MIA2: variants seen among roughly 807,000 people sequenced by gnomAD.
MIA2 encodes the protein melanoma inhibitory activity protein 2.
MIA2 carries 127 observed loss-of-function variants against 167.8 expected under a neutral mutation model. The observed-to-expected ratio is 0.76, with a 90% CI of 0.66 to 0.88. MIA2 has a LOEUF of 0.88. Ranked by LOEUF, MIA2 falls within the 40% of genes least tolerant of loss-of-function variation. The pLI, the probability that MIA2 is intolerant of heterozygous loss-of-function variation, is 0.00. For missense variants in MIA2, 1,690 were observed against 1,624.7 expected, an observed-to-expected ratio of 1.04 and a Z score of -0.69; for synonymous variants, 552 against 541.9, an observed-to-expected ratio of 1.02 and a Z score of -0.26.
At chr14:39,336,344 A>G (rs1023181404) in intron 25 of MIA2, among the ~76,000 whole-genome samples, 1 of 152,168 alleles carries the variant, frequency 6.6e-6, no homozygotes, top group Non-Finnish European at 1.5e-5. Flanking sequence ...AAACATTCTT[A>G]TTACTTAAAG....
chr14:39,361,085 A>T (rs1171247302), intron 23 of MIA2, among the ~76,000 whole-genome samples: 2 of 152,170 alleles, frequency 1.3e-5, no homozygotes, highest in East Asian at 1.9e-4. Flanking sequence ...AGATAATGTG[A>T]TGCCCCCACC....
intron 23 of MIA2, among the ~76,000 whole-genome samples, chr14:39,364,714 G>GTT (rs71435652): frequency 5.1e-4 from 76 of 150,342 alleles, no homozygotes; most frequent in Non-Finnish European, 9.5e-4. Flanking sequence ...CTGATAGTTT[G>GTT]TTTTTTTTGT....
At chr14:39,350,049 T>A in intron 28 of MIA2, 49 bp from the exon 29 acceptor site, 1 of 720,012 alleles carries the variant, frequency 1.4e-6, no homozygotes. Flanking sequence ...TAGGGCACAG[T>A]ACAGGTTCTT....
chr14:39,325,317 C>T (rs2067268115), intron 24 of MIA2, among the ~76,000 whole-genome samples: 1 of 151,824 alleles, frequency 6.6e-6, no homozygotes, highest in African/African-American at 2.4e-5. Flanking sequence ...CCCCTTTTCC[C>T]TCTCAATGAC....
downstream of MIA2, among the ~76,000 whole-genome samples, chr14:39,353,795 A>G (rs1595929787): frequency 6.6e-6 from 1 of 152,030 alleles, no homozygotes; most frequent in Admixed American, 6.6e-5. Flanking sequence ...ATTCCCACCT[A>G]TGAGTGAGAA....
At chr14:39,235,959 T>C (rs2053723280) in intron 1 of MIA2, among the ~76,000 whole-genome samples, 1 of 152,234 alleles carries the variant, frequency 6.6e-6, no homozygotes, top group Admixed American at 6.5e-5. Flanking sequence ...CATATGTTTG[T>C]ATAATTATAA....
In MIA2 at chr14:39,330,088, C is replaced by A. The variant is rs138114809; in HGVS notation, c.3655+3066C>A. The stretch of plus-strand genomic sequence containing the variant: ...CCTCTGGTAGAATTTGGCTGTGAAT[C>A]CATCTGGTCCTGGACTTTTTTGGTT... On this transcript the variant is annotated intron_variant, in intron 25 of 28. Coordinates refer to ENST00000640607, the MANE Select transcript of MIA2 (RefSeq NM_001329214.4). Among the ~76,000 whole-genome samples, 4 of 152,232 alleles carry A rather than the reference C, an allele frequency of 2.6e-5. No homozygotes were observed. In the East Asian group the frequency reaches 7.7e-4, roughly 29 times the overall value.
Position 39,304,337 on chromosome 14 carries a change from A to G in MIA2, c.2834A>G (p.Tyr945Cys). 5 of 1,577,910 alleles carry G rather than the reference A, an allele frequency of 3.2e-6. No individual in the cohort carries two copies. Among genetic ancestry groups the G allele is most frequent in the Non-Finnish European group, 3.4e-6 (4 of 1,161,408 alleles). ...TTAGAAGGAGAAAGAAACCAAATTT[A>G]TATTCAGTTGTCTGAAGTTGATAAA... is the stretch of plus-strand genomic sequence containing the variant. ...KTLEGERNQI[Y>C]IQLSEVDKTK... Residue 945 changes from tyrosine to cysteine, a missense_variant, in exon 17 of 29, where the codon TAT (tyrosine) becomes TGT (cysteine). By Grantham distance (194) the Tyr-to-Cys change is radical. Coordinates refer to ENST00000640607, the MANE Select transcript of MIA2 (RefSeq NM_001329214.4).
Position 39,366,196 on chromosome 14 carries a change from G to T in MIA2, c.2248+17219G>T, listed in dbSNP as rs1006602852. On this transcript the variant is annotated intron_variant, in intron 23 of 23. Transcript: ENST00000341502. The stretch of plus-strand genomic sequence containing the variant: ...ATAGGGATGCCAGGTGGGCCAGGCC[G>T]TCCTCAGGGCCCAGTAGTGGGAATA... 2.0e-5 allele frequency among the ~76,000 whole-genome samples: 3 copies of T among 152,108 alleles called. No individual in the cohort carries two copies. In the East Asian group the frequency reaches 5.8e-4, roughly 29 times the overall value.
chr14:39,362,556 T>G (rs2139286680), intron 23 of MIA2, among the ~76,000 whole-genome samples: 1 of 152,292 alleles, frequency 6.6e-6, no homozygotes, highest in Non-Finnish European at 1.5e-5. Flanking sequence ...CTGATTTTCT[T>G]TATTTGGGTC....
intron 15 of MIA2, 86 bp from the exon 16 acceptor site, chr14:39,303,392 A>G: frequency 3.9e-6 from 4 of 1,027,230 alleles, no homozygotes; most frequent in Non-Finnish European, 5.9e-6. Flanking sequence ...TTTCTGGTTT[A>G]GTGAACTGAT....
intron 25 of MIA2, among the ~76,000 whole-genome samples, chr14:39,342,558 C>A (rs2072194103): frequency 6.6e-6 from 1 of 152,102 alleles, no homozygotes; most frequent in South Asian, 2.1e-4. Context: ...AATGGTAGTT[C>A]TAGTTCTAGA....
chr14:39,265,972 G>T (rs932790357), intron 6 of MIA2: 1 of 985,308 alleles, frequency 1.0e-6, no homozygotes, highest in East Asian at 1.1e-4. Flanking sequence ...TGTGGCAAAG[G>T]AGAAATAGCA....
chr14:39,246,529 G>A (rs372224501), intron 3 of MIA2, among the ~76,000 whole-genome samples: 280 of 152,154 alleles, frequency 1.8e-3, no homozygotes, highest in African/African-American at 6.4e-3. Flanking sequence ...TTCAGCCTGG[G>A]CAACATAGCG....
chr14:39,336,080 T>G (rs1015509296), intron 25 of MIA2, among the ~76,000 whole-genome samples: 3 of 152,218 alleles, frequency 2.0e-5, no homozygotes, highest in African/African-American at 7.2e-5. Context: ...TGCTTGTGCC[T>G]TTTTTGTAGA....
At position 39,294,943 on chromosome 14, in the gene MIA2, A is replaced by G. The variant is rs761656129; in HGVS notation, c.2410A>G (p.Ile804Val). The G allele has an allele frequency of 1.2e-6, 2 of 1,612,732 alleles. No homozygotes were observed. The highest frequency in any genetic ancestry group is 1.7e-6 in the Non-Finnish European group (2 of 1,179,296). Residue 804 changes from isoleucine to valine, a missense_variant, in exon 13 of 29, where the codon ATA becomes GTA. Physicochemically the swap from Ile to Val is conservative, Grantham distance 29. Coordinates refer to ENST00000640607, the MANE Select transcript of MIA2 (RefSeq NM_001329214.4). ...QVAEAKMTFK[I>V]FQMNEERLKI... The stretch of plus-strand genomic sequence containing the variant: ...CACTTAGGCCAAAATGACCTTCAAG[A>G]TATTTCAAATGAATGAAGAACGACT...
At position 39,269,054 on chromosome 14, in the gene MIA2, G is replaced by A. The variant is rs1430697813; in HGVS notation, c.1888-7880G>A. 16 of 704,028 alleles carry A rather than the reference G, an allele frequency of 2.3e-5. No homozygotes were observed. The East Asian group carries it at 1.4e-3, about 60-fold the overall frequency. 43.6% of individuals were successfully genotyped at this position (704,028 alleles called of 1,614,324 possible). ...TTTGCAGTTTTCTCTAGTCTGGTGC[G>A]TTGTATCTTCACCTGCACAGTTTTT... On this transcript the variant is annotated intron_variant, in intron 6 of 28. Transcript: ENST00000640607.
rs1375509913 is a variant in MIA2 at position 39,350,354 on chromosome 14, C to A, written c.*90C>A. The A allele has an allele frequency of 5.3e-6, 3 of 563,778 alleles. No individual in the cohort carries two copies. The highest frequency in any genetic ancestry group is 7.6e-5 in the South Asian group (2 of 26,192). 34.9% of individuals were successfully genotyped at this position (563,778 alleles called of 1,614,324 possible). A position where few individuals can be genotyped will look rare whatever the true frequency, so the allele number is the denominator to read the frequency against. ...TTACTTAAGTGATTACACTTTTGCTCAAATTGAAGCTTAATGGAATTATAA... is the reference window on the plus strand; with the variant it reads ...TTACTTAAGTGATTACACTTTTGCTAAAATTGAAGCTTAATGGAATTATAA... On this transcript the variant is annotated 3_prime_UTR_variant, in exon 29 of 29. Transcript: ENST00000640607.
At chr14:39,383,146 C>T (rs11622272) in intron 23 of MIA2, among the ~76,000 whole-genome samples, 177 of 152,214 alleles carry the variant, frequency 1.2e-3, no homozygotes, top group Admixed American at 3.1e-3. Context: ...CATTGTGCCT[C>T]ACAGATACTG....
Sources: gnomAD v4.1 joint callset for allele counts (sites outside exome capture counted in the v4.1 genomes callset) on GRCh38, gnomAD v4.1.1 for gene constraint, MANE v1.5 for transcripts, NCBI Gene and HGNC (gene_info 2026-07-23, HGNC 2026-07-21) for gene names.